Variants in TMEM232 observed in about 807,000 individuals in gnomAD.
TMEM232 encodes transmembrane protein 232.
In TMEM232, 80 loss-of-function variants were observed where a neutral mutation model predicts 78.8. That is an observed-to-expected ratio of 1.01 (90% CI 0.85 to 1.22). The LOEUF (loss-of-function observed/expected upper bound fraction) is 1.22. TMEM232 is among the 50% of genes most tolerant of loss of function. The pLI is 0.00. For synonymous variants in TMEM232, 297 were observed against 254.3 expected (o/e 1.17, Z -1.60); for missense variants, 881 against 742.2 (o/e 1.19, Z -2.17).
chr5:110,636,613 A>G (rs1049998530), intron 5 of TMEM232, among the ~76,000 whole-genome samples: 2 of 152,032 alleles, frequency 1.3e-5, no homozygotes, highest in African/African-American at 2.4e-5. Flanking sequence ...GTGTAGCATC[A>G]TAGCTGAGAG....
intron 2 of TMEM232, among the ~76,000 whole-genome samples, chr5:110,663,983 T>A (rs1401975060): frequency 4.6e-5 from 7 of 151,884 alleles, no homozygotes; most frequent in East Asian, 1.9e-4. Flanking sequence ...ACAAAAAAAA[T>A]TTTTTATTTA....
At chr5:110,561,017 A>G (rs1243873640) in intron 11 of TMEM232, among the ~76,000 whole-genome samples, 1 of 152,212 alleles carries the variant, frequency 6.6e-6, no homozygotes, top group African/African-American at 2.4e-5. Context: ...ATGAAGAATC[A>G]GAACAAAGAA....
rs1278936876 is a variant in TMEM232 at position 110,401,283 on chromosome 5, C to CTTTTTTTTTTTTTTTT, written n.309-3430_309-3429insAAAAAAAAAAAAAAAA. Among the ~76,000 whole-genome samples, 1,097 of 143,446 alleles carry CTTTTTTTTTTTTTTTT rather than the reference C, an allele frequency of 7.6e-3. 33 individuals are homozygous for CTTTTTTTTTTTTTTTT. Among genetic ancestry groups the CTTTTTTTTTTTTTTTT allele is most frequent in the African/African-American group, 0.028 (1,051 of 37,964 alleles). The allele number at this position is 143,446 out of a possible 152,430, so 94.1% of individuals were successfully genotyped here. ...GGCAACTTGACACAGACACAACATT[C>CTTTTTTTTTTTTTTTT]TTTTTTTTTTTGGAGCACTTAAGAT... On this transcript the variant is annotated intron_variant and non_coding_transcript_variant, in intron 2 of 8. Coordinates refer to the TMEM232 transcript ENST00000507188.
chr5:110,396,594 AC>A (rs1755397751), intron 3 of TMEM232, among the ~76,000 whole-genome samples: 1 of 152,136 alleles, frequency 6.6e-6, no homozygotes, highest in African/African-American at 2.4e-5. Flanking sequence ...CACCTTCAGC[AC>A]CCAGCACCTA....
intron 12 of TMEM232, among the ~76,000 whole-genome samples, chr5:110,513,628 A>G (rs76571884): frequency 3.3e-5 from 5 of 152,144 alleles, no homozygotes; most frequent in African/African-American, 1.2e-4. Context: ...ATGCAAATCA[A>G]AACTACAGGT....
downstream of TMEM232, among the ~76,000 whole-genome samples, chr5:110,416,285 T>C (rs1472892559): frequency 1.3e-5 from 2 of 152,218 alleles, no homozygotes; most frequent in South Asian, 2.1e-4. Flanking sequence ...ACACATGTCT[T>C]TTCTACAGAG....
chr5:110,443,911 ACT>A (rs1358877888), intron 12 of TMEM232, among the ~76,000 whole-genome samples: 1 of 151,854 alleles, frequency 6.6e-6, no homozygotes, highest in Non-Finnish European at 1.5e-5. Flanking sequence ...GAGTCTCATG[ACT>A]CTGCCCAGTA....
intron 11 of TMEM232, among the ~76,000 whole-genome samples, chr5:110,548,406 G>T (rs1364731256): frequency 6.7e-6 from 1 of 148,554 alleles, no homozygotes; most frequent in African/African-American, 2.5e-5. Context: ...AATATTATAA[G>T]ACATTTTCAT....
At chr5:110,725,594 T>C (rs1798072520) in intron 1 of TMEM232, 1 of 152,156 alleles carries the variant, frequency 6.6e-6, no homozygotes, top group South Asian at 2.1e-4. Context: ...TCTGCTACCT[T>C]CAATCAAGTA....
chr5:110,405,735 A>G (rs903861222), intron 2 of TMEM232, among the ~76,000 whole-genome samples: 2 of 151,194 alleles, frequency 1.3e-5, no homozygotes, highest in African/African-American at 4.8e-5. Flanking sequence ...ACAGTTTAAA[A>G]AAAAAAAAAA....
chr5:110,724,960 AAAGT>A (rs1798010075), intron 1 of TMEM232, among the ~76,000 whole-genome samples: 1 of 152,178 alleles, frequency 6.6e-6, no homozygotes, highest in African/African-American at 2.4e-5. Context: ...AAACGCAATG[AAAGT>A]AATAGGAATA....
At chr5:110,624,033 CA>C (rs1784104588) in intron 7 of TMEM232, among the ~76,000 whole-genome samples, 1 of 152,072 alleles carries the variant, frequency 6.6e-6, no homozygotes, top group Non-Finnish European at 1.5e-5. Context: ...CCAAGAGTGA[CA>C]AAATGGATTC....
chr5:110,585,013 A>T (rs1244022626), intron 10 of TMEM232, among the ~76,000 whole-genome samples: 1 of 152,132 alleles, frequency 6.6e-6, no homozygotes, highest in African/African-American at 2.4e-5. Context: ...CTCTGTGTTC[A>T]GCTACAGGTG....
At chr5:110,714,361 T>G (rs1796813098) in intron 1 of TMEM232, among the ~76,000 whole-genome samples, 1 of 152,174 alleles carries the variant, frequency 6.6e-6, no homozygotes, top group South Asian at 2.1e-4. Flanking sequence ...GTATAAAGTC[T>G]CTGAACACCA....
At chr5:110,662,379 G>A (rs983710986) in intron 2 of TMEM232, among the ~76,000 whole-genome samples, 2 of 152,004 alleles carry the variant, frequency 1.3e-5, no homozygotes, top group African/African-American at 4.8e-5. Context: ...AATAAATGAA[G>A]AGATATACCA....
intron 1 of TMEM232, among the ~76,000 whole-genome samples, chr5:110,688,196 G>C (rs1303579886): frequency 6.6e-6 from 1 of 151,980 alleles, no homozygotes. Flanking sequence ...GATAAATGTA[G>C]AATTTCATTT....
At chr5:110,589,347 C>G (rs1245624525) in intron 10 of TMEM232, among the ~76,000 whole-genome samples, 2 of 152,068 alleles carry the variant, frequency 1.3e-5, no homozygotes, top group African/African-American at 2.4e-5. Context: ...CTAGAAAACG[C>G]CCAGGAACTT....
intron 1 of TMEM232, among the ~76,000 whole-genome samples, chr5:110,674,227 T>C (rs1791741536): frequency 6.6e-6 from 1 of 152,184 alleles, no homozygotes; most frequent in African/African-American, 2.4e-5. Context: ...TTACTAGACC[T>C]TTCTTGGTCA....
In TMEM232 at chr5:110,391,291, ATG is replaced by A. The variant is rs369913835; in HGVS notation, n.391-653_391-652del. Among the ~76,000 whole-genome samples, 696 of 130,638 alleles carry A rather than the reference ATG, an allele frequency of 5.3e-3. 5 individuals carry two copies. Among genetic ancestry groups the A allele is most frequent in the African/African-American group, 0.015 (501 of 32,374 alleles). The allele number at this position is 130,638 out of a possible 152,430, so 85.7% of individuals were successfully genotyped here. A position where few individuals can be genotyped will look rare whatever the true frequency, so the allele number is the denominator to read the frequency against. ...AAAGAAGTCTGAGGCTCCCGTTTGAATGTGTGTGTGTGTGTGTGTGTGTGTGT... is the reference window on the plus strand; with the variant it reads ...AAAGAAGTCTGAGGCTCCCGTTTGAATGTGTGTGTGTGTGTGTGTGTGTGT... On this transcript the variant is annotated intron_variant and non_coding_transcript_variant, in intron 3 of 8. Transcript: ENST00000507188.
Sources: gnomAD v4.1 joint callset for allele counts (sites outside exome capture counted in the v4.1 genomes callset) on GRCh38, gnomAD v4.1.1 for gene constraint, MANE v1.5 for transcripts, NCBI Gene and HGNC (gene_info 2026-07-23, HGNC 2026-07-21) for gene names.